KCNIP4: variants seen among roughly 807,000 people sequenced by gnomAD.
KCNIP4 encodes the protein Kv channel-interacting protein 4.
KCNIP4 carries 12 observed loss-of-function variants against 34.0 expected under a neutral mutation model. That is an observed-to-expected ratio of 0.35 (90% CI 0.23 to 0.57). The LOEUF is 0.57. Ranked by LOEUF, KCNIP4 falls within the 20% of genes least tolerant of loss-of-function variation. The pLI is 0.83. For synonymous variants in KCNIP4, 124 were observed against 102.2 expected (o/e 1.21, Z -1.29); for missense variants, 238 against 311.7 (o/e 0.76, Z 1.78).
At chr4:21,763,754 T>C (rs1445078560) in intron 1 of KCNIP4, among the ~76,000 whole-genome samples, 1 of 152,164 alleles carries the variant, frequency 6.6e-6, no homozygotes, top group Non-Finnish European at 1.5e-5. Flanking sequence ...ATATGCTAAA[T>C]TTTTCATTTC....
In KCNIP4 at chr4:21,032,578, G is replaced by A. The variant is rs532102573; in HGVS notation, c.62-149869C>T. ...TAGAAAACTTCCTGAACCTGTTTTAGAGAGCCCAGAAAGTCCTAGAAAAAA... is the reference window on the plus strand; with the variant it reads ...TAGAAAACTTCCTGAACCTGTTTTAAAGAGCCCAGAAAGTCCTAGAAAAAA... On this transcript the variant is annotated intron_variant, in intron 1 of 8. Coordinates refer to ENST00000382152, the MANE Select transcript of KCNIP4 (RefSeq NM_025221.6). Among the ~76,000 whole-genome samples, 119 of 152,136 alleles carry A rather than the reference G, an allele frequency of 7.8e-4. 1 individual carries two copies. Among genetic ancestry groups the A allele is most frequent in the African/African-American group, 2.7e-3 (112 of 41,536 alleles).
At chr4:21,422,950 A>G (rs1725609343) in intron 1 of KCNIP4, among the ~76,000 whole-genome samples, 1 of 152,176 alleles carries the variant, frequency 6.6e-6, no homozygotes, top group Admixed American at 6.5e-5. Flanking sequence ...GGAACTTACT[A>G]CCATATCTAG....
At chr4:20,870,219 A>C (rs73242540) in intron 2 of KCNIP4, among the ~76,000 whole-genome samples, 10,221 of 152,030 alleles carry the variant, frequency 0.067, 439 homozygotes, top group Middle Eastern at 0.12. Context: ...GTGGGAGGTG[A>C]CTGGATCATG....
chr4:21,056,020 G>A (rs1477568802), intron 1 of KCNIP4, among the ~76,000 whole-genome samples: 1 of 152,124 alleles, frequency 6.6e-6, no homozygotes, highest in African/African-American at 2.4e-5. Context: ...TAAATAAGAG[G>A]AGAGGCTGTG....
chr4:21,514,924 CTCAT>C (rs1252313132), intron 1 of KCNIP4, among the ~76,000 whole-genome samples: 6 of 152,290 alleles, frequency 3.9e-5, no homozygotes, highest in Non-Finnish European at 5.9e-5. Flanking sequence ...AATTAATTAA[CTCAT>C]TCATACTTTC....
At chr4:20,896,880 G>T (rs141128782) in intron 1 of KCNIP4, among the ~76,000 whole-genome samples, 19 of 150,818 alleles carry the variant, frequency 1.3e-4, no homozygotes, top group Non-Finnish European at 2.5e-4. Context: ...ACACAGAATC[G>T]CCAAAATGTA....
At chr4:20,990,068 C>T in intron 1 of KCNIP4, among the ~76,000 whole-genome samples, 1 of 152,150 alleles carries the variant, frequency 6.6e-6, no homozygotes, top group East Asian at 1.9e-4. Flanking sequence ...TGAAAGATGC[C>T]ACTTAACATC....
At chr4:21,639,941 T>C (rs751584143) in intron 1 of KCNIP4, among the ~76,000 whole-genome samples, 3 of 152,206 alleles carry the variant, frequency 2.0e-5, no homozygotes, top group African/African-American at 7.2e-5. Flanking sequence ...CTGGAATTAA[T>C]AGCAGTTTAG....
At chr4:21,113,850 A>T (rs954917271) in intron 1 of KCNIP4, among the ~76,000 whole-genome samples, 14 of 152,236 alleles carry the variant, frequency 9.2e-5, no homozygotes, top group African/African-American at 3.1e-4. Flanking sequence ...TGAAATACGC[A>T]AATACCTTAA....
intron 1 of KCNIP4, among the ~76,000 whole-genome samples, chr4:21,819,704 C>T (rs35175333): frequency 0.078 from 11,882 of 151,992 alleles, 540 homozygotes; most frequent in Middle Eastern, 0.13. Flanking sequence ...TTTGTGATTG[C>T]CTTTATGTGT....
intron 1 of KCNIP4, among the ~76,000 whole-genome samples, chr4:21,936,241 G>A (rs1246906839): frequency 6.6e-6 from 1 of 151,954 alleles, no homozygotes; most frequent in Non-Finnish European, 1.5e-5. Context: ...TTGAATCATG[G>A]GGCGGTCCCC....
chr4:20,849,363 T>C (rs7673250), intron 3 of KCNIP4, among the ~76,000 whole-genome samples: 53,141 of 151,944 alleles, frequency 0.35, 10,349 homozygotes, highest in Admixed American at 0.46. Context: ...AAAGACAGAC[T>C]CCATTCATTC....
chr4:21,365,627 G>A (rs1461614721), intron 1 of KCNIP4, among the ~76,000 whole-genome samples: 2 of 151,702 alleles, frequency 1.3e-5, no homozygotes, highest in African/African-American at 2.4e-5. Context: ...TTTATTTGAA[G>A]CCATCTGCAG....
chr4:21,247,735 GAT>G (rs58465908), intron 1 of KCNIP4, among the ~76,000 whole-genome samples: 1,265 of 61,306 alleles, frequency 0.021, 49 homozygotes, highest in South Asian at 0.026. Context: ...TCCACAGGTG[GAT>G]ATATATATAT....
intron 1 of KCNIP4, among the ~76,000 whole-genome samples, chr4:21,927,315 T>A (rs1263401610): frequency 6.6e-6 from 1 of 152,142 alleles, no homozygotes; most frequent in South Asian, 2.1e-4. Context: ...AGGCGACATA[T>A]TCACAAGTTC....
At chr4:21,453,360 C>T (rs73105830) in intron 1 of KCNIP4, among the ~76,000 whole-genome samples, 5,225 of 152,138 alleles carry the variant, frequency 0.034, 115 homozygotes, top group South Asian at 0.043. Context: ...AACATAATCT[C>T]ATTGAATTCC....
At chr4:21,098,563 T>A (rs1747662196) in intron 1 of KCNIP4, among the ~76,000 whole-genome samples, 1 of 152,278 alleles carries the variant, frequency 6.6e-6, no homozygotes, top group African/African-American at 2.4e-5. Context: ...AAAGCCTGAA[T>A]AACAGTACAT....
At chr4:20,984,081 C>A (rs1279919690) in intron 1 of KCNIP4, 94 of 1,222,684 alleles carry the variant, frequency 7.7e-5, no homozygotes, top group Non-Finnish European at 9.4e-5. Flanking sequence ...GGCGGCCCCC[C>A]GGGGTGAGGA....
intron 1 of KCNIP4, among the ~76,000 whole-genome samples, chr4:21,254,711 T>C (rs1025438349): frequency 6.6e-6 from 1 of 152,154 alleles, no homozygotes; most frequent in African/African-American, 2.4e-5. Context: ...TCTTCATTTA[T>C]AGGAGAGAAA....
Sources: allele counts gnomAD v4.1 joint callset (sites outside exome capture counted in the v4.1 genomes callset), GRCh38; gene constraint gnomAD v4.1.1; transcripts MANE v1.5; gene names NCBI Gene and HGNC (gene_info 2026-07-23, HGNC 2026-07-21).